Variants in KALRN observed in about 807,000 individuals in gnomAD.
KALRN encodes kalirin RhoGEF kinase.
Under a neutral mutation model 353.7 loss-of-function variants are expected in KALRN, and 70 were observed. The ratio of observed to expected loss-of-function variants is 0.20; its 90% CI spans 0.16 to 0.24. The LOEUF is 0.24. Among genes scored for constraint, KALRN ranks in the 10% least tolerant of loss-of-function variants. The pLI, the probability that KALRN is intolerant of heterozygous loss-of-function variation, is 1.00. For synonymous variants in KALRN, 1,391 were observed against 1,434.8 expected (o/e 0.97, Z 0.69); for missense variants, 2,791 against 3,756.7 (o/e 0.74, Z 6.72).
intron 9 of KALRN, among the ~76,000 whole-genome samples, chr3:124,338,947 C>T (rs1207170074): frequency 2.0e-5 from 3 of 152,158 alleles, no homozygotes; most frequent in African/African-American, 7.2e-5. Context: ...TACTTGGACC[C>T]CTGCATTAAA....
chr3:124,713,822 T>G lies in KALRN; in HGVS notation c.8276+687T>G, dbSNP rs372083034. On this transcript the variant is annotated intron_variant, in intron 58 of 59. Transcript: ENST00000682506. ...GATCAGATTGGTGCTACTGAGGCCC[T>G]TGGCCTAGACAGGAGACAGACATTT... Among the ~76,000 whole-genome samples, 177 of 152,316 alleles carry G rather than the reference T, an allele frequency of 1.2e-3. 8 individuals are homozygous for G. In the South Asian group the frequency reaches 0.035, roughly 30 times the overall value.
intron 5 of KALRN, among the ~76,000 whole-genome samples, chr3:124,292,001 G>T (rs1320200670): frequency 1.3e-5 from 2 of 152,092 alleles, no homozygotes; most frequent in Admixed American, 1.3e-4. Context: ...TGGTCTGCAG[G>T]GTTTGCAGGA....
At chr3:124,653,418 A>G (rs1289808131) in intron 38 of KALRN, among the ~76,000 whole-genome samples, 2 of 152,252 alleles carry the variant, frequency 1.3e-5, no homozygotes, top group African/African-American at 4.8e-5. Flanking sequence ...TAATAACAAC[A>G]TAAGTCTTTG....
At chr3:124,347,431 C>T (rs2082391270) in intron 10 of KALRN, among the ~76,000 whole-genome samples, 166 bp downstream of exon 10, 1 of 148,836 alleles carries the variant, frequency 6.7e-6, no homozygotes, top group Non-Finnish European at 1.5e-5. Flanking sequence ...AGGGCTGTGG[C>T]TTTGGTGTTT....
intron 9 of KALRN, among the ~76,000 whole-genome samples, chr3:124,341,226 CAAG>C (rs1464777616): frequency 3.9e-5 from 6 of 152,256 alleles, no homozygotes; most frequent in Admixed American, 1.3e-4. Flanking sequence ...GACGAGAAAC[CAAG>C]AAGATCTTTA....
chr3:124,218,806 G>C (rs959187280), intron 1 of KALRN, among the ~76,000 whole-genome samples: 1 of 152,204 alleles, frequency 6.6e-6, no homozygotes, highest in Non-Finnish European at 1.5e-5. Context: ...AAACAGAAAT[G>C]GTTGCTCATT....
intron 30 of KALRN, 134 bp downstream of exon 30, chr3:124,491,018 C>T: frequency 1.3e-6 from 1 of 779,544 alleles, no homozygotes. Context: ...ATGAAAATGT[C>T]TCCTATTTGG....
At chr3:124,163,627 A>G in intron 1 of KALRN, 1 of 985,024 alleles carries the variant, frequency 1.0e-6, no homozygotes, top group Non-Finnish European at 1.2e-6. Flanking sequence ...ATGGATCTGC[A>G]TAAAGAAGAA....
At chr3:124,283,842 G>A (rs541104857) in intron 5 of KALRN, among the ~76,000 whole-genome samples, 1 of 152,232 alleles carries the variant, frequency 6.6e-6, no homozygotes, top group South Asian at 2.1e-4. Flanking sequence ...ATTTTAGCAT[G>A]AAGTTTCGCA....
Position 124,250,605 on chromosome 3 carries a change from A to G in KALRN, c.264-13893A>G, listed in dbSNP as rs78021558. The stretch of plus-strand genomic sequence containing the variant: ...AGTCTTTGTCACAGATATATGTGCT[A>G]TGATCATAATGATATTTTTTAAAGT... On this transcript the variant is annotated intron_variant, in intron 3 of 59. Coordinates refer to ENST00000682506, the MANE Select transcript of KALRN (RefSeq NM_001388419.1). Among the ~76,000 whole-genome samples, 23 of 152,356 alleles carry G rather than the reference A, an allele frequency of 1.5e-4. No homozygotes were observed. The East Asian group carries it at 4.2e-3, about 28-fold the overall frequency.
chr3:124,443,677 C>T (rs763907986), intron 19 of KALRN, among the ~76,000 whole-genome samples: 2 of 152,184 alleles, frequency 1.3e-5, no homozygotes, highest in African/African-American at 4.8e-5. Context: ...TACACCTCTG[C>T]GTGCTGAAGA....
chr3:124,283,921 G>T (rs772527093), intron 5 of KALRN, among the ~76,000 whole-genome samples: 3 of 152,182 alleles, frequency 2.0e-5, no homozygotes, highest in Non-Finnish European at 2.9e-5. Context: ...TGAACCCAGA[G>T]GAAGTGGAAA....
intron 1 of KALRN, among the ~76,000 whole-genome samples, chr3:124,189,948 A>G (rs1250254900): frequency 1.3e-5 from 2 of 151,904 alleles, no homozygotes; most frequent in East Asian, 3.9e-4. Context: ...AAAAAAAAAA[A>G]AAAAAGCAAC....
chr3:124,669,773 T>C (rs538414552), intron 47 of KALRN, among the ~76,000 whole-genome samples: 6 of 152,160 alleles, frequency 3.9e-5, no homozygotes, highest in Non-Finnish European at 8.8e-5. Flanking sequence ...TAAAATGGCA[T>C]AGTGTTTGCA....
intron 33 of KALRN, among the ~76,000 whole-genome samples, chr3:124,554,280 G>A (rs982484042): frequency 2.0e-5 from 3 of 152,204 alleles, no homozygotes; most frequent in African/African-American, 7.2e-5. Flanking sequence ...CACTTGACCT[G>A]GGAGGTGGAG....
At chr3:124,709,863 C>T (rs2062810422) in intron 57 of KALRN, among the ~76,000 whole-genome samples, 1 of 152,174 alleles carries the variant, frequency 6.6e-6, no homozygotes, top group Admixed American at 6.5e-5. Context: ...ATAGATCATA[C>T]TGCAGCACAT....
chr3:124,379,107 C>G (rs770144477), intron 10 of KALRN, among the ~76,000 whole-genome samples: 5 of 152,052 alleles, frequency 3.3e-5, no homozygotes, highest in Non-Finnish European at 7.4e-5. Context: ...AATTTTTTCT[C>G]TCAGTATTTT....
rs182803320 is a variant in KALRN, at chr3:124,122,662, C to A, written c.73+88849C>A. Among the ~76,000 whole-genome samples, 405 of 152,220 alleles carry A rather than the reference C, an allele frequency of 2.7e-3. 4 individuals are homozygous for A. Among genetic ancestry groups the A allele is most frequent in the African/African-American group, 9.3e-3 (388 of 41,534 alleles). On this transcript the variant is annotated intron_variant, in intron 1 of 59. Coordinates refer to ENST00000682506, the MANE Select transcript of KALRN (RefSeq NM_001388419.1). ...TATTATGATTGGGGGCACCACAAAC[C>A]ATGCCCATATAAAACTGCAAACTTA...
At chr3:124,180,929 G>A (rs1447935155) in intron 1 of KALRN, among the ~76,000 whole-genome samples, 3 of 151,778 alleles carry the variant, frequency 2.0e-5, no homozygotes, top group Admixed American at 2.0e-4. Context: ...AATAAGTCAG[G>A]TATCAGAACT....
Sources: gnomAD v4.1 joint callset for allele counts (sites outside exome capture counted in the v4.1 genomes callset) on GRCh38, gnomAD v4.1.1 for gene constraint, MANE v1.5 for transcripts, NCBI Gene and HGNC (gene_info 2026-07-23, HGNC 2026-07-21) for gene names.